KCP: variants seen among roughly 807,000 people sequenced by gnomAD.
The protein encoded by KCP is kielin/chordin-like protein.
KCP carries 194 observed loss-of-function variants against 212.7 expected under a neutral mutation model. The observed-to-expected ratio is 0.91, with a 90% confidence interval of 0.81 to 1.03. The LOEUF (loss-of-function observed/expected upper bound fraction) is 1.03, where lower values mean the gene tolerates loss of function less well. Ranked by LOEUF, KCP falls within the 50% of genes least tolerant of loss-of-function variation. KCP has a pLI of 0.00. For synonymous variants in KCP, 833 were observed against 865.3 expected, an observed-to-expected ratio of 0.96 and a Z score of 0.65; for missense variants, 2,080 against 2,162.5, an observed-to-expected ratio of 0.96 and a Z score of 0.76.
chr7:128,902,989 G>C, intron 7 of KCP, 130 bp from the exon 8 acceptor site: 1 of 696,862 alleles, frequency 1.4e-6, no homozygotes. Context: ...GATGGGGTCA[G>C]ATCTCTGCCT....
chr7:128,906,150 C>T (rs1795107608), intron 5 of KCP, 129 bp downstream of exon 5: 2 of 755,444 alleles, frequency 2.6e-6, no homozygotes, highest in Admixed American at 4.1e-5. Flanking sequence ...TTCTGCACTC[C>T]CCTGGCCACT....
At position 128,877,231 on chromosome 7, in the gene KCP, T is replaced by G; in HGVS notation, c.4699A>C (p.Ile1567Leu). The part of the protein sequence containing the change: ...PCPRTCFNQH[I>L]PLGELAAHCV... ...TGGGCTGCCAGCTCCCCCAGGGGGA[T>G]ATGCTGATTGAAGCAGGTGCGGGGA... The change falls in exon 40 of 40, where the codon ATC becomes CTC. Residue 1567 changes from isoleucine (I) to leucine (L), a missense_variant. Physicochemically the swap from Ile to Leu is conservative, Grantham distance 5. Transcript: ENST00000610776. 6.7e-7 allele frequency: 1 copy of G among 1,481,964 alleles called. No individual in the cohort carries two copies. The allele number at this position is 1,481,964 out of a possible 1,614,324, so 91.8% of individuals were successfully genotyped here.
At chr7:128,901,352 C>T (rs1382455770) in intron 8 of KCP, among the ~76,000 whole-genome samples, 3 of 152,304 alleles carry the variant, frequency 2.0e-5, no homozygotes, top group South Asian at 4.1e-4. Context: ...TTTGGCCGGG[C>T]GTGGTGGCTC....
In KCP at chr7:128,893,807, A is replaced by T; in HGVS notation, c.1098T>A (p.Asp366Glu). The T allele has an allele frequency of 6.4e-7, 1 of 1,550,508 alleles. No homozygotes were observed. The highest frequency in any genetic ancestry group is 8.7e-7 in the Non-Finnish European group (1 of 1,146,832). Residue 366 changes from aspartate (D) to glutamate (E), a missense_variant and splice_region_variant, in exon 11 of 40, where the codon GAT becomes GAA. Transcript: ENST00000610776. ...KIPGQCCPVC[D>E]GCEYQGHQYQ... ...GCAGAGACCCCGGCCCCCACTCACCATCGCAGACAGGGCAGCACTGCCCAG... is the reference window on the plus strand; with the variant it reads ...GCAGAGACCCCGGCCCCCACTCACCTTCGCAGACAGGGCAGCACTGCCCAG...
chr7:128,895,761 A>C (rs569678955), intron 8 of KCP, among the ~76,000 whole-genome samples: 3 of 152,350 alleles, frequency 2.0e-5, no homozygotes, highest in Admixed American at 2.0e-4. Context: ...CACTCCCATC[A>C]GTGCCAAGAC....
Position 128,891,089 on chromosome 7 carries a change from T to A in KCP, c.1980A>T (p.Pro660=). ...GECCPQCPAA[P]APAGCPRPGA... ...CGGGCCGTGGGCAGCCGGCGGGGGC[T>A]GGGGCGGCTGCGGCGAGACAGCGCA... The change falls in exon 20 of 40, where the codon CCA becomes CCT. Residue 660 remains proline (P), a synonymous_variant. Transcript: ENST00000610776. The A allele has an allele frequency of 6.9e-7, 1 of 1,440,580 alleles. No homozygotes were observed. Among genetic ancestry groups the A allele is most frequent in the Non-Finnish European group, 9.1e-7 (1 of 1,101,554 alleles). 89.2% of individuals were successfully genotyped at this position (1,440,580 alleles called of 1,614,324 possible). A position where few individuals can be genotyped will look rare whatever the true frequency, so the allele number is the denominator to read the frequency against.
chr7:128,878,300 C>T (rs1345502638), intron 38 of KCP, among the ~76,000 whole-genome samples: 2 of 152,108 alleles, frequency 1.3e-5, no homozygotes, highest in African/African-American at 4.8e-5. Flanking sequence ...TCAGGTGATC[C>T]ACCCACCTCG....
At chr7:128,894,334 C>T in intron 8 of KCP, 41 bp from the exon 9 acceptor site, 1 of 1,427,742 alleles carries the variant, frequency 7.0e-7, no homozygotes, top group Middle Eastern at 1.8e-4. Context: ...CGACAGGGCT[C>T]AACTGAGAGG....
chr7:128,906,766 G>A (rs1585258395), intron 4 of KCP, among the ~76,000 whole-genome samples: 3 of 152,088 alleles, frequency 2.0e-5, no homozygotes, highest in Non-Finnish European at 1.5e-5. Flanking sequence ...TGATATAGGA[G>A]GACAAGCAAC....
chr7:128,903,735 G>T lies in KCP; in HGVS notation c.740C>A (p.Thr247Asn). Reference protein sequence around the residue: ...PVLRPGHCCPTCQGCTEGGSH... With the variant: ...PVLRPGHCCPNCQGCTEGGSH... ...GGGCCAGGGGCTCTCACCTTGGCAG[G>T]TTGGGCAGCAGTGCCCAGGCCTCAG... Residue 247 changes from threonine (T) to asparagine (N), a missense_variant, in exon 7 of 40, where the codon ACC (threonine) becomes AAC (asparagine). Physicochemically the swap from Thr to Asn is moderately conservative, Grantham distance 65. Coordinates refer to ENST00000610776, the MANE Select transcript of KCP (RefSeq NM_001366122.1). The T allele has an allele frequency of 2.6e-6, 4 of 1,549,664 alleles. No homozygotes were observed. The highest frequency in any genetic ancestry group is 3.5e-6 in the Non-Finnish European group (4 of 1,146,092).
intron 34 of KCP, 91 bp downstream of exon 34, chr7:128,880,295 G>T: frequency 7.0e-7 from 1 of 1,427,026 alleles, no homozygotes; most frequent in Non-Finnish European, 9.3e-7. Context: ...CAGGAGCCCA[G>T]CCTCCCTCTC....
Position 128,877,292 on chromosome 7 carries a change from C to A in KCP, c.4638G>T (p.Glu1546Asp). ...CGCACTCATCAAACACGAAGCCACG[C>A]TCCAGGGGGCAGCCTACCACTGCAG... ...PTLCVVGCPL[E>D]RGFVFDECGP... is the part of the protein sequence containing the mutation. The change falls in exon 40 of 40, where the codon GAG becomes GAT. Residue 1546 changes from glutamate (E) to aspartate (D), a missense_variant. Transcript: ENST00000610776. The A allele has an allele frequency of 6.6e-7, 1 of 1,515,590 alleles. No individual in the cohort carries two copies. The highest frequency in any genetic ancestry group is 2.5e-5 in the Admixed American group (1 of 40,684). The allele number at this position is 1,515,590 out of a possible 1,614,324, so 93.9% of individuals were successfully genotyped here. A position where few individuals can be genotyped will look rare whatever the true frequency, so the allele number is the denominator to read the frequency against.
chr7:128,903,790 A>C lies in KCP; in HGVS notation c.685T>G (p.Cys229Gly), dbSNP rs1173692048. 21 of 1,540,526 alleles carry C rather than the reference A, an allele frequency of 1.4e-5. No homozygotes were observed. The highest frequency in any genetic ancestry group is 2.0e-5 in the Admixed American group (1 of 50,258). ...GGCTCTGGGCAGGGGCTAGGCGGGC[A>C]CTTCAGGGCCATGCAGCGAACTCGG... ...RSRVRCMALK[C>G]PPSPCPEPVL... The change falls in exon 7 of 40, where the codon TGC (cysteine) becomes GGC (glycine). Residue 229 changes from cysteine (C) to glycine (G), a missense_variant. By Grantham distance (159) the Cys-to-Gly change is radical. Coordinates refer to ENST00000610776, the MANE Select transcript of KCP (RefSeq NM_001366122.1).
Position 128,904,150 on chromosome 7 carries a change from G to A in KCP, c.572-12C>T, listed in dbSNP as rs769892278. On this transcript the variant is annotated splice_polypyrimidine_tract_variant and intron_variant, in intron 5 of 39. Transcript: ENST00000610776. ...CTCATAATCACAGCCTGGGAAGGTT[G>A]GCAGGATGACAAGTGGGTCACCAGG... 2 of 1,551,246 alleles carry A rather than the reference G, an allele frequency of 1.3e-6. No homozygotes were observed. Among genetic ancestry groups the A allele is most frequent in the South Asian group, 2.4e-5 (2 of 84,040 alleles).
chr7:128,881,788 G>T, intron 30 of KCP, 63 bp from the exon 31 acceptor site: 1 of 1,419,930 alleles, frequency 7.0e-7, no homozygotes, highest in Non-Finnish European at 9.7e-7. Flanking sequence ...GAGGAGTAAG[G>T]CATAGGCAGG....
Position 128,891,646 on chromosome 7 carries a change from C to G in KCP, c.1795G>C (p.Gly599Arg). ...PGTCCPNDCS[G>R]CAFGGKEYPS... Reference sequence around the variant, plus strand: ...GGCCGCCCTGACCCGCCCACCTCACCGCTGCAGTCGTTCGGGCAGCAGGTC... The same window carrying G: ...GGCCGCCCTGACCCGCCCACCTCACGGCTGCAGTCGTTCGGGCAGCAGGTC... The change falls in exon 17 of 40, where the codon GGC becomes CGC. Residue 599 changes from glycine (G) to arginine (R), a missense_variant and splice_region_variant. Transcript: ENST00000610776. 11 of 1,466,268 alleles carry G rather than the reference C, an allele frequency of 7.5e-6. No homozygotes were observed. The highest frequency in any genetic ancestry group is 9.9e-6 in the Non-Finnish European group (11 of 1,106,936). The allele number at this position is 1,466,268 out of a possible 1,614,324, so 90.8% of individuals were successfully genotyped here.
At chr7:128,880,588 T>G (rs77324134) in intron 33 of KCP, 31 bp downstream of exon 33, 1 of 1,334,800 alleles carries the variant, frequency 7.5e-7, no homozygotes, top group East Asian at 2.9e-5. Flanking sequence ...AAGGTCTGGC[T>G]TACCCCTCCC....
chr7:128,886,804 C>G (rs573789303), intron 24 of KCP, 67 bp from the exon 25 acceptor site: 1 of 1,490,584 alleles, frequency 6.7e-7, no homozygotes, highest in East Asian at 2.5e-5. Context: ...CAGCCTTAGG[C>G]CTGGCAGGAA....
At chr7:128,888,634 ACACACACACATACACAGC>A (rs1174505519) in intron 22 of KCP, among the ~76,000 whole-genome samples, 1 of 151,736 alleles carries the variant, frequency 6.6e-6, no homozygotes, top group African/African-American at 2.4e-5. Context: ...ACACATACAG[ACACACACACATACACAGC>A]CACACACACA....
Sources: allele counts gnomAD v4.1 joint callset (sites outside exome capture counted in the v4.1 genomes callset), GRCh38; gene constraint gnomAD v4.1.1; transcripts MANE v1.5; gene names NCBI Gene and HGNC (gene_info 2026-07-23, HGNC 2026-07-21).